CCDC82: variants seen among roughly 807,000 people sequenced by gnomAD.
CCDC82 encodes coiled-coil domain-containing protein 82.
In CCDC82, 47 loss-of-function variants were observed where a neutral mutation model predicts 60.6. The observed-to-expected ratio is 0.77, with a 90% CI of 0.61 to 0.99. CCDC82 has a LOEUF of 0.99. Ranked by LOEUF, CCDC82 falls within the 50% of genes least tolerant of loss-of-function variation. CCDC82 has a pLI of 0.00. For synonymous variants in CCDC82, 212 were observed against 207.4 expected, an observed-to-expected ratio of 1.02 and a Z score of -0.19; for missense variants, 588 against 633.0, an observed-to-expected ratio of 0.93 and a Z score of 0.76.
chr11:96,383,136 T>C, intron 5 of CCDC82, 133 bp downstream of exon 5: 2 of 649,100 alleles, frequency 3.1e-6, no homozygotes, highest in Non-Finnish European at 5.4e-6. Context: ...ACTATTAAAC[T>C]GACAAGGTTA....
chr11:96,356,398 C>G, intron 9 of CCDC82: 1 of 972,632 alleles, frequency 1.0e-6, no homozygotes, highest in Non-Finnish European at 1.2e-6. Context: ...ACAACTGTCA[C>G]TTGTAACAGT....
At chr11:96,377,182 T>C (rs1865619967) in intron 5 of CCDC82, among the ~76,000 whole-genome samples, 1 of 152,208 alleles carries the variant, frequency 6.6e-6, no homozygotes, top group African/African-American at 2.4e-5. Flanking sequence ...CTGATTTCTT[T>C]TTCTACTTTA....
rs1866046372 is a variant in CCDC82, at chr11:96,384,179, C to T, written c.569G>A (p.Cys190Tyr). Residue 190 changes from cysteine (C) to tyrosine (Y), a missense_variant, in exon 4 of 10, where the codon TGT becomes TAT. Cys to Tyr is a radical substitution (Grantham distance 194). Coordinates refer to ENST00000646818, the MANE Select transcript of CCDC82 (RefSeq NM_024725.4). ...GKRKRLSSVMCDSDESDDSDI... is the reference protein window; with the variant it reads ...GKRKRLSSVMYDSDESDDSDI... ...GCTGTCATCACTCTCATCACTGTCA[C>T]ACATCACAGAGGATAGCCTTTTTCT... 6.2e-7 allele frequency: 1 copy of T among 1,613,878 alleles called. No homozygotes were observed. The highest frequency in any genetic ancestry group is 2.2e-5 in the East Asian group (1 of 44,872).
intron 7 of CCDC82, among the ~76,000 whole-genome samples, chr11:96,366,033 T>G (rs184124400): frequency 6.6e-6 from 1 of 152,248 alleles, no homozygotes; most frequent in Non-Finnish European, 1.5e-5. Context: ...TTTCTCATAC[T>G]TCATGGCACT....
intron 8 of CCDC82, 170 bp downstream of exon 8, chr11:96,364,810 C>T: frequency 5.5e-6 from 3 of 549,396 alleles, no homozygotes; most frequent in African/African-American, 1.9e-5. Flanking sequence ...TGAATTCTCT[C>T]CTATTAGATG....
At chr11:96,385,548 G>C (rs1866146115) in intron 3 of CCDC82, 1 of 152,146 alleles carries the variant, frequency 6.6e-6, no homozygotes, top group Non-Finnish European at 1.5e-5. Flanking sequence ...TATCCACTAA[G>C]ATTGTAGCCT....
chr11:96,377,932 C>T (rs752551066), intron 5 of CCDC82, among the ~76,000 whole-genome samples: 262 of 152,060 alleles, frequency 1.7e-3, no homozygotes, highest in Non-Finnish European at 3.0e-3. Context: ...CTTATGTTTT[C>T]CCATCCAAAA....
At chr11:96,358,480 C>T (rs912781551) in intron 9 of CCDC82, 1 of 1,231,040 alleles carries the variant, frequency 8.1e-7, no homozygotes, top group Non-Finnish European at 1.0e-6. Context: ...TCTGCATTCC[C>T]CTCGATCTTC....
At chr11:96,375,014 A>AAC in intron 5 of CCDC82, among the ~76,000 whole-genome samples, 1 of 152,146 alleles carries the variant, frequency 6.6e-6, no homozygotes, top group African/African-American at 2.4e-5. Context: ...CTTCAATAGA[A>AAC]TTTGACTAGA....
At chr11:96,357,422 GCTTTCTTGAA>G (rs1864403902) in intron 9 of CCDC82, 1 of 984,998 alleles carries the variant, frequency 1.0e-6, no homozygotes, top group African/African-American at 1.7e-5. Flanking sequence ...ATGACACTTG[GCTTTCTTGAA>G]AAGAAAGCCT....
intron 5 of CCDC82, among the ~76,000 whole-genome samples, chr11:96,379,951 A>T (rs996676455): frequency 2.0e-5 from 3 of 151,968 alleles, no homozygotes; most frequent in Non-Finnish European, 3.0e-5. Flanking sequence ...AAACATCAAA[A>T]TTTACATGGT....
intron 5 of CCDC82, among the ~76,000 whole-genome samples, chr11:96,377,902 T>C (rs558437057): frequency 4.3e-4 from 65 of 152,220 alleles, no homozygotes; most frequent in African/African-American, 1.5e-3. Flanking sequence ...CTTTCTTCTA[T>C]AATAACCTTG....
chr11:96,359,601 AAG>A (rs774039422), intron 8 of CCDC82, among the ~76,000 whole-genome samples: 136 of 151,624 alleles, frequency 9.0e-4, no homozygotes, highest in Non-Finnish European at 1.5e-3. Flanking sequence ...CGGGGGAAAA[AAG>A]AGAAATGGCT....
rs1188765395 is a variant in CCDC82 at position 96,353,004 on chromosome 11, A to G, written c.*642T>C. On this transcript the variant is annotated 3_prime_UTR_variant, in exon 10 of 10. Transcript: ENST00000646818. ...GAATAGAAAAAAGTAAGAACATTAT[A>G]AAGCATGAAAATTTACATAAAATTA... 1 of 152,234 alleles carries G rather than the reference A, an allele frequency of 6.6e-6. No homozygotes were observed. The highest frequency in any genetic ancestry group is 1.5e-5 in the Non-Finnish European group (1 of 68,030). The allele number at this position is 152,234 out of a possible 1,614,324, so 9.4% of individuals were successfully genotyped here.
intron 5 of CCDC82, among the ~76,000 whole-genome samples, chr11:96,376,210 C>T (rs80064970): frequency 0.011 from 1,598 of 152,044 alleles, 28 homozygotes; most frequent in African/African-American, 0.037. Context: ...ACATATATGC[C>T]AAGATTTTTT....
At chr11:96,374,374 C>A (rs914163122) in intron 5 of CCDC82, among the ~76,000 whole-genome samples, 8 of 152,126 alleles carry the variant, frequency 5.3e-5, no homozygotes, top group African/African-American at 1.9e-4. Flanking sequence ...ACATGGAAAA[C>A]CCTCTTCATT....
intron 5 of CCDC82, among the ~76,000 whole-genome samples, chr11:96,376,218 T>G (rs1005563110): frequency 6.6e-6 from 1 of 152,230 alleles, no homozygotes; most frequent in Non-Finnish European, 1.5e-5. Flanking sequence ...GCCAAGATTT[T>G]TTTTCAAACC....
intron 5 of CCDC82, among the ~76,000 whole-genome samples, chr11:96,379,681 CA>C (rs1434990968): frequency 6.6e-6 from 1 of 151,790 alleles, no homozygotes; most frequent in Non-Finnish European, 1.5e-5. Flanking sequence ...TAACCAACAC[CA>C]AAACAGTTCT....
chr11:96,370,304 GTAACAGGGAGAAAACCCTTACAA>G (rs1350432763), intron 7 of CCDC82, among the ~76,000 whole-genome samples: 31 of 152,206 alleles, frequency 2.0e-4, no homozygotes, highest in African/African-American at 7.2e-4. Flanking sequence ...AATGTTAGAA[GTAACAGGGAGAAAACCCTTACAA>G]ATCATATAGT....
Sources: allele counts gnomAD v4.1 joint callset (sites outside exome capture counted in the v4.1 genomes callset), GRCh38; gene constraint gnomAD v4.1.1; transcripts MANE v1.5; gene names NCBI Gene and HGNC (gene_info 2026-07-23, HGNC 2026-07-21).